KCNB2: variants seen among roughly 807,000 people sequenced by gnomAD.
The protein encoded by KCNB2 is delayed rectifier potassium channel protein.
A neutral mutation model predicts 61.5 loss-of-function variants in KCNB2; 15 were observed. The observed-to-expected ratio is 0.24, with a 90% confidence interval of 0.16 to 0.38. The LOEUF is 0.38. Ranked by LOEUF, KCNB2 falls within the 10% of genes least tolerant of loss-of-function variation. KCNB2 has a pLI of 1.00. For synonymous variants in KCNB2, 457 were observed against 446.0 expected, an observed-to-expected ratio of 1.02 and a Z score of -0.31; for missense variants, 828 against 1,125.2, an observed-to-expected ratio of 0.74 and a Z score of 3.78.
intron 2 of KCNB2, among the ~76,000 whole-genome samples, chr8:72,650,555 A>G (rs547545999): frequency 3.2e-4 from 49 of 152,282 alleles, no homozygotes; most frequent in African/African-American, 1.1e-3. Flanking sequence ...TGTTCACAGC[A>G]TTTATCAGAG....
At chr8:72,539,192 C>T (rs1806157025) in intron 1 of KCNB2, among the ~76,000 whole-genome samples, 1 of 152,082 alleles carries the variant, frequency 6.6e-6, no homozygotes, top group African/African-American at 2.4e-5. Flanking sequence ...TTAACTCAAA[C>T]AGTTTAGTAA....
At chr8:72,594,713 G>A (rs934650641) in intron 2 of KCNB2, among the ~76,000 whole-genome samples, 1 of 152,136 alleles carries the variant, frequency 6.6e-6, no homozygotes, top group Admixed American at 6.5e-5. Flanking sequence ...AACATGCATA[G>A]TAAAAGAGTA....
At chr8:72,548,035 A>G (rs1376941762) in intron 1 of KCNB2, among the ~76,000 whole-genome samples, 1 of 152,206 alleles carries the variant, frequency 6.6e-6, no homozygotes. Context: ...AAGACCATCC[A>G]TTAGCAAATA....
chr8:72,722,496 C>T (rs1807567616), intron 2 of KCNB2, among the ~76,000 whole-genome samples: 1 of 152,194 alleles, frequency 6.6e-6, no homozygotes, highest in South Asian at 2.1e-4. Context: ...GGGCCCTCTG[C>T]TCAGACTGCT....
At chr8:72,922,737 G>A (rs13252778) in intron 2 of KCNB2, among the ~76,000 whole-genome samples, 72,462 of 151,680 alleles carry the variant, frequency 0.48, 18,368 homozygotes, top group Middle Eastern at 0.59. Flanking sequence ...AGGGACATAA[G>A]CATTCAGACC....
intron 2 of KCNB2, among the ~76,000 whole-genome samples, chr8:72,821,659 A>AACAAC (rs1809513743): frequency 1.3e-4 from 15 of 116,998 alleles, no homozygotes; most frequent in Admixed American, 2.0e-4. Flanking sequence ...AAAAAAAAAA[A>AACAAC]ACACACACAC....
chr8:72,796,858 G>T (rs1809039305), intron 2 of KCNB2, among the ~76,000 whole-genome samples: 1 of 152,148 alleles, frequency 6.6e-6, no homozygotes, highest in Non-Finnish European at 1.5e-5. Context: ...ACTCTGGGGT[G>T]CATGTCTTAT....
intron 2 of KCNB2, among the ~76,000 whole-genome samples, chr8:72,846,232 G>C (rs1463653226): frequency 1.3e-5 from 2 of 152,096 alleles, no homozygotes; most frequent in Non-Finnish European, 2.9e-5. Context: ...TCCCAGGTAA[G>C]GCGACACCCC....
chr8:72,768,825 C>T (rs1471922239), intron 2 of KCNB2, among the ~76,000 whole-genome samples: 1 of 151,910 alleles, frequency 6.6e-6, no homozygotes, highest in Non-Finnish European at 1.5e-5. Flanking sequence ...ACTATTTTTC[C>T]CCCCATTAAA....
In KCNB2 at chr8:72,734,264, A is replaced by G. The variant is rs1424078600; in HGVS notation, c.579+165951A>G. ...AACCTGTACAGGCAGCTTTGGTGAAAATAAGAGCCAACATCAGTACATCCC... is the reference window on the plus strand; with the variant it reads ...AACCTGTACAGGCAGCTTTGGTGAAGATAAGAGCCAACATCAGTACATCCC... On this transcript the variant is annotated intron_variant, in intron 2 of 2. Transcript: ENST00000523207. 1.3e-5 allele frequency among the ~76,000 whole-genome samples: 2 copies of G among 152,152 alleles called. 1 individual carries two copies.
chr8:72,831,655 G>A (rs1209895042), intron 2 of KCNB2, among the ~76,000 whole-genome samples: 5 of 152,184 alleles, frequency 3.3e-5, no homozygotes, highest in African/African-American at 1.2e-4. Context: ...ATAAAACATT[G>A]CAAATATGTT....
chr8:72,602,641 T>C (rs985671887), intron 2 of KCNB2, among the ~76,000 whole-genome samples: 4 of 152,190 alleles, frequency 2.6e-5, no homozygotes, highest in Admixed American at 6.5e-5. Context: ...CATTTTACTA[T>C]GACTCACAAT....
chr8:72,791,194 C>G (rs942747266), intron 2 of KCNB2, among the ~76,000 whole-genome samples: 11 of 152,072 alleles, frequency 7.2e-5, no homozygotes, highest in Non-Finnish European at 1.6e-4. Flanking sequence ...TTCTAAGAAA[C>G]AGGGATGTAC....
chr8:72,603,913 A>G (rs1047303077), intron 2 of KCNB2, among the ~76,000 whole-genome samples: 2 of 152,146 alleles, frequency 1.3e-5, no homozygotes, highest in South Asian at 4.1e-4. Context: ...GAGGAATGCC[A>G]AGTATTGTGG....
At chr8:72,793,943 C>G in intron 2 of KCNB2, among the ~76,000 whole-genome samples, 1 of 152,144 alleles carries the variant, frequency 6.6e-6, no homozygotes, top group Non-Finnish European at 1.5e-5. Context: ...AGGACTGAGC[C>G]ACTTAAGTAA....
At chr8:72,901,600 G>A (rs759244504) in intron 2 of KCNB2, among the ~76,000 whole-genome samples, 1 of 152,118 alleles carries the variant, frequency 6.6e-6, no homozygotes, top group Non-Finnish European at 1.5e-5. Context: ...CATTTTGGAT[G>A]AGCCATAGTT....
intron 2 of KCNB2, among the ~76,000 whole-genome samples, chr8:72,907,224 G>A (rs113260941): frequency 0.011 from 1,627 of 152,164 alleles, 24 homozygotes; most frequent in African/African-American, 0.036. Context: ...GGGCATGGTG[G>A]CACACGCCTG....
chr8:72,773,036 AG>A (rs1397117592), intron 2 of KCNB2, among the ~76,000 whole-genome samples: 17 of 152,258 alleles, frequency 1.1e-4, no homozygotes, highest in Middle Eastern at 3.4e-3. Flanking sequence ...CCTGCCCAGT[AG>A]GGGGAATTTT....
At chr8:72,758,268 A>G (rs1808323285) in intron 2 of KCNB2, among the ~76,000 whole-genome samples, 1 of 152,144 alleles carries the variant, frequency 6.6e-6, no homozygotes, top group Non-Finnish European at 1.5e-5. Context: ...GAGACTAGCA[A>G]TATGTAGTGG....
Sources: gnomAD v4.1 joint callset for allele counts (sites outside exome capture counted in the v4.1 genomes callset) on GRCh38, gnomAD v4.1.1 for gene constraint, MANE v1.5 for transcripts, NCBI Gene and HGNC (gene_info 2026-07-23, HGNC 2026-07-21) for gene names.